Variants in ATAD2B observed in about 807,000 individuals in gnomAD.
ATAD2B encodes the protein ATPase family AAA domain containing 2B.
ATAD2B carries 40 observed loss-of-function variants against 167.6 expected under a neutral mutation model. The observed-to-expected ratio is 0.24, with a 90% CI of 0.19 to 0.31. The LOEUF is 0.31. Ranked by LOEUF, ATAD2B falls within the 10% of genes least tolerant of loss-of-function variation. ATAD2B has a pLI of 1.00. For missense variants in ATAD2B, 1,242 were observed against 1,757.2 expected (o/e 0.71, Z 5.24); for synonymous variants, 579 against 596.5 (o/e 0.97, Z 0.43).
chr2:23,820,031 T>C, intron 16 of ATAD2B, 149 bp from the exon 17 acceptor site: 1 of 542,714 alleles, frequency 1.8e-6, no homozygotes, highest in Non-Finnish European at 3.2e-6. Context: ...AACTGCAGCT[T>C]TTAAAATAAC....
chr2:23,704,648 T>G, the ATAD2B span, among the ~76,000 whole-genome samples: 1 of 152,126 alleles, frequency 6.6e-6, no homozygotes, highest in Non-Finnish European at 1.5e-5. Flanking sequence ...GTGCCTGTAA[T>G]CCCAGCTTCT....
At chr2:23,704,106 C>T in the ATAD2B span, among the ~76,000 whole-genome samples, 1 of 152,220 alleles carries the variant, frequency 6.6e-6, no homozygotes, top group Admixed American at 6.5e-5. Flanking sequence ...AGAAATGAAC[C>T]ATTTCCTGAA....
At chr2:23,702,738 T>C in the ATAD2B span, among the ~76,000 whole-genome samples, 1 of 152,188 alleles carries the variant, frequency 6.6e-6, no homozygotes, top group East Asian at 1.9e-4. Flanking sequence ...GTGTGTTTTA[T>C]TTGGCTGCCT....
the ATAD2B span, among the ~76,000 whole-genome samples, chr2:23,736,530 C>G: frequency 6.6e-6 from 1 of 152,238 alleles, no homozygotes; most frequent in Non-Finnish European, 1.5e-5. Context: ...ATCTTGTACC[C>G]ATGAAACAAA....
intron 15 of ATAD2B, among the ~76,000 whole-genome samples, chr2:23,828,313 T>C (rs1481393548): frequency 6.6e-6 from 1 of 152,146 alleles, no homozygotes; most frequent in Non-Finnish European, 1.5e-5. Context: ...TGTGGGGAGA[T>C]CTTCCACTCT....
chr2:23,862,401 G>GTTTTTTTCTT (rs1694521363), intron 12 of ATAD2B, among the ~76,000 whole-genome samples: 1 of 99,408 alleles, frequency 1.0e-5, no homozygotes, highest in African/African-American at 4.0e-5. Flanking sequence ...ATTTGGACTG[G>GTTTTTTTCTT]TTTTTTTTTT....
the ATAD2B span, among the ~76,000 whole-genome samples, chr2:23,694,532 G>A: frequency 1.5e-3 from 232 of 152,252 alleles, no homozygotes; most frequent in African/African-American, 5.3e-3. Flanking sequence ...CAGTTGCCTC[G>A]TCGACTCCAC....
the ATAD2B span, among the ~76,000 whole-genome samples, chr2:23,706,287 T>C: frequency 7.9e-5 from 12 of 152,166 alleles, no homozygotes; most frequent in African/African-American, 2.9e-4. Flanking sequence ...ATAGCACGGC[T>C]TCCTGACTGG....
intron 2 of ATAD2B, among the ~76,000 whole-genome samples, chr2:23,892,616 C>T (rs1049966039): frequency 2.0e-5 from 3 of 152,080 alleles, no homozygotes; most frequent in South Asian, 2.1e-4. Flanking sequence ...GGTACAGGCA[C>T]GCGCCGCCTT....
intron 1 of ATAD2B, among the ~76,000 whole-genome samples, chr2:23,915,782 G>A (rs184260630): frequency 2.6e-5 from 4 of 151,618 alleles, no homozygotes; most frequent in Non-Finnish European, 4.4e-5. Context: ...TAGTAGAGAC[G>A]GGGTTTCACC....
At chr2:23,771,506 G>C (rs533609747) in intron 22 of ATAD2B, among the ~76,000 whole-genome samples, 1 of 152,276 alleles carries the variant, frequency 6.6e-6, no homozygotes, top group Non-Finnish European at 1.5e-5. Flanking sequence ...AAAAAAATTT[G>C]ACTTACAAAA....
At position 23,775,975 on chromosome 2, in the gene ATAD2B, G is replaced by A. The variant is rs139299398; in HGVS notation, c.3133+6894C>T. ...TATTAAAAATACAAAAATTAGCTGG[G>A]TGTGATGGTACACGCCTGTAATCCC... On this transcript the variant is annotated intron_variant, in intron 22 of 27. Coordinates refer to ENST00000238789, the MANE Select transcript of ATAD2B (RefSeq NM_017552.4). 3.9e-3 allele frequency among the ~76,000 whole-genome samples: 591 copies of A among 152,262 alleles called. 8 individuals carry two copies. Among genetic ancestry groups the A allele is most frequent in the African/African-American group, 0.012 (503 of 41,542 alleles).
chr2:23,851,425 G>C (rs1335476390), intron 13 of ATAD2B, among the ~76,000 whole-genome samples: 2 of 152,174 alleles, frequency 1.3e-5, no homozygotes, highest in East Asian at 3.9e-4. Flanking sequence ...ACAAGTGTGA[G>C]CCACTGTGCC....
At chr2:23,835,908 A>C (rs1458065058) in intron 13 of ATAD2B, among the ~76,000 whole-genome samples, 2 of 151,346 alleles carry the variant, frequency 1.3e-5, no homozygotes, top group Non-Finnish European at 2.9e-5. Context: ...TGTACTCCAG[A>C]CTGGGTGACA....
At chr2:23,678,436 C>G in the ATAD2B span, among the ~76,000 whole-genome samples, 1 of 152,202 alleles carries the variant, frequency 6.6e-6, no homozygotes, top group African/African-American at 2.4e-5. Context: ...CCTGGCACCA[C>G]TATCATAGGA....
chr2:23,698,635 A>G, the ATAD2B span, among the ~76,000 whole-genome samples: 151,287 of 152,282 alleles, frequency 0.99, 75,157 homozygotes, highest in East Asian at 1. Context: ...AGACAACAGC[A>G]CAATAGACAA....
intron 27 of ATAD2B, among the ~76,000 whole-genome samples, chr2:23,753,557 TAAAC>T (rs774639974): frequency 2.0e-5 from 3 of 152,136 alleles, no homozygotes; most frequent in Non-Finnish European, 2.9e-5. Flanking sequence ...GGAAATTATA[TAAAC>T]AAAGATAGAA....
the ATAD2B span, among the ~76,000 whole-genome samples, chr2:23,712,861 G>A: frequency 6.6e-6 from 1 of 152,276 alleles, no homozygotes; most frequent in South Asian, 2.1e-4. Context: ...AACATATGCA[G>A]GTCATTTGGG....
chr2:23,680,658 A>ATCT, the ATAD2B span, among the ~76,000 whole-genome samples: 1 of 151,630 alleles, frequency 6.6e-6, no homozygotes, highest in African/African-American at 2.4e-5. The surrounding 1 kb of genome is among the most constrained non-coding windows in gnomAD (Gnocchi z 4.1). Context: ...TCTCTAGGCC[A>ATCT]TCTTCTCCTG....
Sources: gnomAD v4.1 joint callset for allele counts (sites outside exome capture counted in the v4.1 genomes callset) on GRCh38, gnomAD v4.1.1 for gene constraint, Gnocchi (gnomAD v3.1) non-coding constraint, MANE v1.5 for transcripts, NCBI Gene and HGNC (gene_info 2026-07-23, HGNC 2026-07-21) for gene names.